RDX: variants seen among roughly 807,000 people sequenced by gnomAD.
RDX encodes the protein radixin, also known as deafness, autosomal recessive 24.
In RDX, 32 loss-of-function variants were observed where a neutral mutation model predicts 83.7. That is an observed-to-expected ratio of 0.38 (90% CI 0.29 to 0.51). The LOEUF (loss-of-function observed/expected upper bound fraction) is 0.51. Among genes scored for constraint, RDX ranks in the 20% least tolerant of loss-of-function variants. The probability of loss-of-function intolerance (pLI) is 0.87; values close to 1 mark genes in which losing one functional copy is unlikely to be tolerated. For synonymous variants in RDX, 229 were observed against 222.7 expected, an observed-to-expected ratio of 1.03 and a Z score of -0.25; for missense variants, 600 against 689.9, an observed-to-expected ratio of 0.87 and a Z score of 1.46.
chr11:110,248,484 T>C (rs1004148138), intron 9 of RDX, among the ~76,000 whole-genome samples: 3 of 152,148 alleles, frequency 2.0e-5, no homozygotes, highest in Non-Finnish European at 2.9e-5. Flanking sequence ...TTAAAAAATA[T>C]TAAAAACTTA....
At chr11:110,290,644 C>G (rs1019777851) in intron 1 of RDX, among the ~76,000 whole-genome samples, 12 of 152,124 alleles carry the variant, frequency 7.9e-5, no homozygotes, top group Admixed American at 7.9e-4. Flanking sequence ...CATATAATAA[C>G]TGTCCAAATG....
At chr11:110,248,686 C>T (rs1859210965) in intron 9 of RDX, among the ~76,000 whole-genome samples, 1 of 152,186 alleles carries the variant, frequency 6.6e-6, no homozygotes, top group Non-Finnish European at 1.5e-5. Context: ...GTTAACCACA[C>T]AGTTGCCATG....
chr11:110,260,680 G>C (rs1329133324), intron 5 of RDX, among the ~76,000 whole-genome samples: 1 of 152,176 alleles, frequency 6.6e-6, no homozygotes, highest in Admixed American at 6.5e-5. Context: ...ATCCATAAAG[G>C]ATTGCTTCCA....
chr11:110,241,486 G>A (rs1865098498), intron 10 of RDX, among the ~76,000 whole-genome samples: 1 of 152,044 alleles, frequency 6.6e-6, no homozygotes, highest in African/African-American at 2.4e-5. Flanking sequence ...TAGTAGAGAT[G>A]GGGTTTCACA....
rs750069510 is a variant in RDX, at chr11:110,257,933, T to C, written c.552-20A>G. 8.1e-6 allele frequency: 13 copies of C among 1,607,266 alleles called. No individual in the cohort carries two copies. Among genetic ancestry groups the C allele is most frequent in the African/African-American group, 1.3e-5 (1 of 74,842 alleles). ...TCCTCCCTGTTGAAATAAAACTAAA[T>C]GTAATATATTTAAGTAGGAGCATAT... On this transcript the variant is annotated intron_variant, in intron 6 of 13. Transcript: ENST00000645495.
chr11:110,187,820 C>A (rs1863016635), intron 15 of RDX, among the ~76,000 whole-genome samples: 1 of 152,230 alleles, frequency 6.6e-6, no homozygotes, highest in Non-Finnish European at 1.5e-5. Context: ...ACAGATCAAC[C>A]CATTGCCTGA....
At chr11:110,291,374 G>A (rs1323315110) in intron 1 of RDX, among the ~76,000 whole-genome samples, 2 of 152,052 alleles carry the variant, frequency 1.3e-5, no homozygotes, top group African/African-American at 2.4e-5. Flanking sequence ...ACGGAGGGAG[G>A]AAGGAAAAAG....
rs113033636 is a variant in RDX at position 110,266,060 on chromosome 11, C to G, written c.97-1186G>C. ...ACTAAGTAGGCTGTGCGCAGTGGCT[C>G]ACGTCTGTAATCCCAGCACTTTGGG... On this transcript the variant is annotated intron_variant, in intron 3 of 13. Coordinates refer to ENST00000645495, the MANE Select transcript of RDX (RefSeq NM_002906.4). 2.0e-3 allele frequency among the ~76,000 whole-genome samples: 302 copies of G among 152,006 alleles called. 1 individual carries two copies. Among genetic ancestry groups the G allele is most frequent in the African/African-American group, 7.0e-3 (291 of 41,430 alleles).
intron 2 of RDX, among the ~76,000 whole-genome samples, chr11:110,278,894 A>G (rs1170110062): frequency 1.3e-5 from 2 of 152,128 alleles, no homozygotes; most frequent in Non-Finnish European, 2.9e-5. Flanking sequence ...TAGATTAAGA[A>G]AAGAACATTT....
At chr11:110,184,047 A>T (rs1434956068) in intron 15 of RDX, among the ~76,000 whole-genome samples, 1 of 152,200 alleles carries the variant, frequency 6.6e-6, no homozygotes, top group Middle Eastern at 3.2e-3. Context: ...ATCCCCAGAC[A>T]TGTCCCCTGG....
Position 110,266,922 on chromosome 11 carries a change from G to A in RDX, c.97-2048C>T, listed in dbSNP as rs538599058. On this transcript the variant is annotated intron_variant, in intron 3 of 13. Coordinates refer to ENST00000645495, the MANE Select transcript of RDX (RefSeq NM_002906.4). ...TTTGTTTGTTTGTTTGTTTTGAGAC[G>A]GGGTCTCACTCTGTCACCCAGGCTG... Among the ~76,000 whole-genome samples, 31 of 151,378 alleles carry A rather than the reference G, an allele frequency of 2.0e-4. No homozygotes were observed. The East Asian group carries it at 2.2e-3, about 11-fold the overall frequency.
chr11:110,182,020 C>G (rs1255039570), intron 15 of RDX, among the ~76,000 whole-genome samples: 1 of 152,222 alleles, frequency 6.6e-6, no homozygotes, highest in Non-Finnish European at 1.5e-5. Context: ...CACCCTCTCC[C>G]ATGCCTACTG....
At chr11:110,289,340 ACAAT>A (rs1382562186) in intron 1 of RDX, among the ~76,000 whole-genome samples, 2 of 152,128 alleles carry the variant, frequency 1.3e-5, no homozygotes, top group African/African-American at 2.4e-5. Context: ...AATTAAGTTG[ACAAT>A]CAAATTAAAG....
chr11:110,209,339 C>T (rs1481648121), intron 14 of RDX, among the ~76,000 whole-genome samples: 6 of 151,616 alleles, frequency 4.0e-5, no homozygotes, highest in African/African-American at 7.3e-5. Flanking sequence ...GAGGGTCCTA[C>T]GCCCACGGAG....
At chr11:110,237,050 G>C (rs1216274092) in intron 11 of RDX, among the ~76,000 whole-genome samples, 1 of 151,394 alleles carries the variant, frequency 6.6e-6, no homozygotes, top group South Asian at 2.1e-4. Context: ...CTAATTATTT[G>C]CAAGTCCACT....
chr11:110,198,064 AT>A (rs567992106), intron 15 of RDX, among the ~76,000 whole-genome samples: 3 of 152,268 alleles, frequency 2.0e-5, no homozygotes, highest in African/African-American at 7.2e-5. Flanking sequence ...ACATGTGACC[AT>A]TTTTTTGTCA....
Position 110,204,811 on chromosome 11 carries a change from G to A in RDX, c.1749-5133C>T, listed in dbSNP as rs185523294. On this transcript the variant is annotated intron_variant, in intron 14 of 15. Transcript: ENST00000528498. ...ATTACAGGCGTGAGCTACCGTGCCC[G>A]GCCGTACAGCTGTAATTTCTTACCA... Among the ~76,000 whole-genome samples, 7 of 152,158 alleles carry A rather than the reference G, an allele frequency of 4.6e-5. No individual in the cohort carries two copies. The East Asian group carries it at 7.7e-4, about 17-fold the overall frequency.
intron 15 of RDX, among the ~76,000 whole-genome samples, chr11:110,194,026 T>C (rs1337035466): frequency 2.0e-5 from 3 of 152,252 alleles, no homozygotes; most frequent in Non-Finnish European, 4.4e-5. Context: ...AATTAGCTGT[T>C]GAAGGCAGCG....
intron 1 of RDX, among the ~76,000 whole-genome samples, chr11:110,295,725 G>C (rs1042110648): frequency 2.0e-5 from 3 of 151,628 alleles, no homozygotes; most frequent in Admixed American, 2.0e-4. Flanking sequence ...AAGGAAAAGA[G>C]GGATATCATG....
Sources: allele counts gnomAD v4.1 joint callset (sites outside exome capture counted in the v4.1 genomes callset), GRCh38; gene constraint gnomAD v4.1.1; transcripts MANE v1.5; gene names NCBI Gene and HGNC (gene_info 2026-07-23, HGNC 2026-07-21).